Variants in PIBF1 observed in about 807,000 individuals in gnomAD.
PIBF1 encodes progesterone-induced-blocking factor 1.
A neutral mutation model predicts 112.5 loss-of-function variants in PIBF1; 90 were observed. The observed-to-expected ratio is 0.80, with a 90% CI of 0.67 to 0.95. The LOEUF (loss-of-function observed/expected upper bound fraction) is 0.95. Among genes scored for constraint, PIBF1 ranks in the 40% least tolerant of loss-of-function variants. The pLI, the probability that PIBF1 is intolerant of heterozygous loss-of-function variation, is 0.00. For synonymous variants in PIBF1, 301 were observed against 288.6 expected (o/e 1.04, Z -0.44); for missense variants, 915 against 852.3 (o/e 1.07, Z -0.92).
chr13:72,931,413 G>A (rs1425929255), intron 14 of PIBF1, 146 bp downstream of exon 14: 3 of 669,462 alleles, frequency 4.5e-6, no homozygotes, highest in Non-Finnish European at 7.8e-6. Flanking sequence ...TGAATGTTAA[G>A]GCCATAAAAA....
At chr13:72,990,063 A>G (rs1367547678) in intron 16 of PIBF1, among the ~76,000 whole-genome samples, 1 of 151,572 alleles carries the variant, frequency 6.6e-6, no homozygotes. Context: ...AAAATATAAA[A>G]ATTAGCTGGG....
chr13:72,850,037 A>G (rs528147478), intron 9 of PIBF1, among the ~76,000 whole-genome samples: 38 of 152,352 alleles, frequency 2.5e-4, no homozygotes, highest in African/African-American at 7.9e-4. Flanking sequence ...CAGACTTCAT[A>G]TGAAACCTGT....
chr13:72,896,681 C>A (rs912818282), intron 11 of PIBF1, among the ~76,000 whole-genome samples: 1 of 151,972 alleles, frequency 6.6e-6, no homozygotes, highest in Non-Finnish European at 1.5e-5. Flanking sequence ...TAGAATTGAA[C>A]AAGTAGAAGA....
intron 2 of PIBF1, among the ~76,000 whole-genome samples, chr13:72,786,423 AAT>A (rs2034599202): frequency 6.6e-6 from 1 of 152,150 alleles, no homozygotes; most frequent in East Asian, 1.9e-4. Flanking sequence ...TATTCTTGAG[AAT>A]GTGTATCTTT....
At chr13:72,881,366 A>G (rs570204718) in intron 10 of PIBF1, among the ~76,000 whole-genome samples, 4 of 152,334 alleles carry the variant, frequency 2.6e-5, no homozygotes, top group Non-Finnish European at 5.9e-5. Flanking sequence ...CCGAAAAATA[A>G]ATTAAGAAAG....
At chr13:72,938,242 G>A (rs903260870) in intron 14 of PIBF1, among the ~76,000 whole-genome samples, 3 of 151,936 alleles carry the variant, frequency 2.0e-5, no homozygotes, top group Non-Finnish European at 2.9e-5. Context: ...TAAAGTATAC[G>A]ATTTAGTAGC....
intron 9 of PIBF1, chr13:72,836,255 G>T: frequency 3.2e-6 from 1 of 316,304 alleles, no homozygotes; most frequent in Admixed American, 4.0e-5. Flanking sequence ...ATTATAGTCA[G>T]TGTGGTTTTT....
At chr13:72,972,003 CATTTATTTATTTATTTATTT>C (rs67353309) in intron 15 of PIBF1, among the ~76,000 whole-genome samples, 20 of 138,740 alleles carry the variant, frequency 1.4e-4, no homozygotes, top group East Asian at 1.3e-3. Flanking sequence ...TAGTGGCTTT[CATTTATTTATTTATTTATTT>C]ATTTATTTAT....
chr13:72,814,146 T>C (rs1312993917), intron 5 of PIBF1, among the ~76,000 whole-genome samples: 15 of 152,018 alleles, frequency 9.9e-5, no homozygotes, highest in Admixed American at 9.8e-4. Context: ...TTGATAAAGA[T>C]TGAAAAATGG....
At chr13:72,804,467 CTTGT>C (rs2035626953) in intron 5 of PIBF1, among the ~76,000 whole-genome samples, 1 of 152,154 alleles carries the variant, frequency 6.6e-6, no homozygotes, top group African/African-American at 2.4e-5. Flanking sequence ...TTTAGCAAGG[CTTGT>C]TTGTTCACAT....
At chr13:72,855,795 A>G (rs902713249) in intron 10 of PIBF1, among the ~76,000 whole-genome samples, 2 of 152,204 alleles carry the variant, frequency 1.3e-5, no homozygotes, top group African/African-American at 4.8e-5. Context: ...ACAAAACTAT[A>G]TGATGTCCCC....
chr13:72,943,071 A>T (rs1178060953), intron 14 of PIBF1, among the ~76,000 whole-genome samples: 1 of 152,194 alleles, frequency 6.6e-6, no homozygotes, highest in African/African-American at 2.4e-5. Flanking sequence ...AAGGCTTAAA[A>T]AATAACACTT....
chr13:72,901,248 C>G (rs2040473951), intron 11 of PIBF1: 2 of 218,452 alleles, frequency 9.2e-6, no homozygotes, highest in South Asian at 9.3e-5. Flanking sequence ...GGGCTTAGGA[C>G]ATGAATAGAC....
In PIBF1 at chr13:72,896,110, A is replaced by G. The variant is rs547934126; in HGVS notation, c.1488+2161A>G. ...TGGTATCCATGATGGAGAGACCCATAGACAGTTCACATCACAAGACTGTGC... is the reference window on the plus strand; with the variant it reads ...TGGTATCCATGATGGAGAGACCCATGGACAGTTCACATCACAAGACTGTGC... On this transcript the variant is annotated intron_variant, in intron 11 of 17. Transcript: ENST00000326291. Among the ~76,000 whole-genome samples, 26 of 152,266 alleles carry G rather than the reference A, an allele frequency of 1.7e-4. No homozygotes were observed. In the East Asian group the frequency reaches 5.0e-3, roughly 29 times the overall value.
Position 72,927,853 on chromosome 13 carries a change from T to G in PIBF1, c.1731-3312T>G, listed in dbSNP as rs186255276. 2.2e-3 allele frequency among the ~76,000 whole-genome samples: 334 copies of G among 149,336 alleles called. 1 individual carries two copies. Among genetic ancestry groups the G allele is most frequent in the Non-Finnish European group, 4.1e-3 (278 of 67,506 alleles). ...AAAGATTTTATATTATCTTTTGTTC[T>G]TTTCTGTGTATGTGTGTTTGTACTA... On this transcript the variant is annotated intron_variant, in intron 13 of 17. Transcript: ENST00000326291.
intron 2 of PIBF1, among the ~76,000 whole-genome samples, chr13:72,786,891 T>A (rs1045995260): frequency 2.0e-5 from 3 of 152,202 alleles, no homozygotes; most frequent in African/African-American, 7.2e-5. Context: ...CATAATTTAT[T>A]GAACCTAAAG....
In PIBF1 at chr13:72,893,883, A is replaced by G. The variant is rs2040155416; in HGVS notation, c.1422A>G (p.Gln474=). Residue 474 remains glutamine (Q), a synonymous_variant, in exon 11 of 18, where the codon CAA becomes CAG. Transcript: ENST00000326291. ...AAAGTGAGCGTGTTCAACTTCTGCA[A>G]GAGGAAACAGCAAGAAATCTCACAC... ...SFESERVQLL[Q]EETARNLTQC... 3 of 1,608,510 alleles carry G rather than the reference A, an allele frequency of 1.9e-6. No homozygotes were observed. Among genetic ancestry groups the G allele is most frequent in the Non-Finnish European group, 2.5e-6 (3 of 1,177,296 alleles).
chr13:72,888,824 T>TA (rs928131441), intron 10 of PIBF1, among the ~76,000 whole-genome samples: 10 of 146,058 alleles, frequency 6.8e-5, no homozygotes, highest in Admixed American at 2.0e-4. Flanking sequence ...CATACATGTT[T>TA]AAAAAAAAAC....
intron 17 of PIBF1, among the ~76,000 whole-genome samples, chr13:73,012,758 CAAT>C (rs60685629): frequency 2.0e-4 from 29 of 147,532 alleles, no homozygotes; most frequent in East Asian, 4.0e-4. Context: ...CTGTCTCCAC[CAAT>C]AATAATAATA....
Sources: gnomAD v4.1 joint callset for allele counts (sites outside exome capture counted in the v4.1 genomes callset) on GRCh38, gnomAD v4.1.1 for gene constraint, MANE v1.5 for transcripts, NCBI Gene and HGNC (gene_info 2026-07-23, HGNC 2026-07-21) for gene names.